CTNNA1: variants seen among roughly 807,000 people sequenced by gnomAD.
CTNNA1 encodes the protein catenin alpha-1.
In CTNNA1, 37 loss-of-function variants were observed where a neutral mutation model predicts 98.4. The observed-to-expected ratio is 0.38, with a 90% CI of 0.29 to 0.49. The LOEUF (loss-of-function observed/expected upper bound fraction) is 0.49. Among genes scored for constraint, CTNNA1 ranks in the 20% least tolerant of loss-of-function variants. The pLI is 0.95. For synonymous variants in CTNNA1, 404 were observed against 413.2 expected, an observed-to-expected ratio of 0.98 and a Z score of 0.27; for missense variants, 761 against 1,147.2, an observed-to-expected ratio of 0.66 and a Z score of 4.86.
intron 7 of CTNNA1, among the ~76,000 whole-genome samples, chr5:138,854,684 T>A (rs1209539465): frequency 6.6e-6 from 1 of 152,256 alleles, no homozygotes; most frequent in Non-Finnish European, 1.5e-5. Context: ...TAAGCCTCTC[T>A]GTAGACATTT....
intron 16 of CTNNA1, among the ~76,000 whole-genome samples, chr5:138,931,353 C>T (rs1468809362): frequency 2.0e-5 from 3 of 152,324 alleles, no homozygotes; most frequent in Non-Finnish European, 4.4e-5. Flanking sequence ...AATACGGTTC[C>T]TACCGCCTGG....
intron 10 of CTNNA1, among the ~76,000 whole-genome samples, chr5:138,910,107 C>T (rs1346924681): frequency 1.3e-5 from 2 of 152,190 alleles, no homozygotes; most frequent in Non-Finnish European, 2.9e-5. Context: ...GCCTCCCACC[C>T]CTCCTTGACT....
chr5:138,813,355 T>C (rs1036391187), intron 5 of CTNNA1, among the ~76,000 whole-genome samples: 5 of 152,238 alleles, frequency 3.3e-5, no homozygotes. Context: ...CTAGTAGACT[T>C]GTCCTAAATC....
At chr5:138,828,352 T>G (rs778500874) in intron 7 of CTNNA1, 1 of 150,112 alleles carries the variant, frequency 6.7e-6, no homozygotes, top group Non-Finnish European at 1.5e-5. Flanking sequence ...AAACCCAGGC[T>G]ATGAAATTTG....
chr5:138,864,329 G>A (rs2149892936), intron 7 of CTNNA1, among the ~76,000 whole-genome samples: 1 of 152,268 alleles, frequency 6.6e-6, no homozygotes, highest in Non-Finnish European at 1.5e-5. Flanking sequence ...GCTTATAGAA[G>A]CAATTGGGAA....
intron 9 of CTNNA1, among the ~76,000 whole-genome samples, chr5:138,903,989 C>T (rs557615904): frequency 1.4e-4 from 21 of 152,298 alleles, no homozygotes; most frequent in African/African-American, 4.6e-4. Context: ...CAGTTCTTTC[C>T]TGATGCCCTT....
At chr5:138,810,826 C>G (rs1221944014) in intron 4 of CTNNA1, among the ~76,000 whole-genome samples, 2 of 152,180 alleles carry the variant, frequency 1.3e-5, no homozygotes, top group Non-Finnish European at 1.5e-5. Flanking sequence ...GACGGGGTTT[C>G]GGCCGGGCAG....
At chr5:138,794,320 T>C (rs914034268) in intron 3 of CTNNA1, among the ~76,000 whole-genome samples, 2 of 152,104 alleles carry the variant, frequency 1.3e-5, no homozygotes, top group Non-Finnish European at 1.5e-5. Context: ...CCTGGCCTCT[T>C]TTCTTTCAAA....
At chr5:138,913,209 A>C (rs769624625) in intron 10 of CTNNA1, among the ~76,000 whole-genome samples, 1 of 151,234 alleles carries the variant, frequency 6.6e-6, no homozygotes, top group Non-Finnish European at 1.5e-5. Flanking sequence ...CCCTCCCTTC[A>C]TTTTGTATTC....
At chr5:138,769,268 C>G (rs1256890154) in intron 1 of CTNNA1, among the ~76,000 whole-genome samples, 1 of 152,040 alleles carries the variant, frequency 6.6e-6, no homozygotes, top group Non-Finnish European at 1.5e-5. Flanking sequence ...CCTGGCTTTC[C>G]AACAAAAATA....
At chr5:138,905,111 A>AATACATACATAC (rs58678514) in intron 10 of CTNNA1, among the ~76,000 whole-genome samples, 32,304 of 138,428 alleles carry the variant, frequency 0.23, 4,189 homozygotes, top group Middle Eastern at 0.27. Context: ...AAAAAAAAAA[A>AATACATACATAC]ATACATACAT....
intron 7 of CTNNA1, among the ~76,000 whole-genome samples, chr5:138,847,266 A>G (rs1762802817): frequency 6.7e-6 from 1 of 148,408 alleles, no homozygotes; most frequent in Non-Finnish European, 1.5e-5. Flanking sequence ...AGGGAAGAGG[A>G]GACTGACAAC....
chr5:138,868,367 A>AGTC (rs1764998830), intron 7 of CTNNA1, among the ~76,000 whole-genome samples: 1 of 152,196 alleles, frequency 6.6e-6, no homozygotes, highest in Non-Finnish European at 1.5e-5. Flanking sequence ...GTACTCACTG[A>AGTC]GTCGTCATCC....
intron 4 of CTNNA1, among the ~76,000 whole-genome samples, chr5:138,810,619 G>C (rs892789848): frequency 6.6e-6 from 1 of 152,318 alleles, no homozygotes; most frequent in East Asian, 1.9e-4. Context: ...TAAGGTCACA[G>C]ATCAACAGGA....
intron 9 of CTNNA1, among the ~76,000 whole-genome samples, chr5:138,897,790 A>T (rs887210477): frequency 6.6e-6 from 1 of 152,172 alleles, no homozygotes; most frequent in African/African-American, 2.4e-5. Context: ...ACCAAAAATA[A>T]GCTTTTTAGG....
chr5:138,801,611 A>T (rs184742212), intron 3 of CTNNA1, among the ~76,000 whole-genome samples: 1 of 152,238 alleles, frequency 6.6e-6, no homozygotes, highest in Non-Finnish European at 1.5e-5. Flanking sequence ...GATGTGCATC[A>T]TGACCAGTCA....
At position 138,930,455 on chromosome 5, in the gene CTNNA1, T is replaced by C; in HGVS notation, c.2011-18T>C. 3 of 1,591,654 alleles carry C rather than the reference T, an allele frequency of 1.9e-6. No homozygotes were observed. The highest frequency in any genetic ancestry group is 1.8e-5 in the Admixed American group (1 of 56,444). On this transcript the variant is annotated intron_variant, in intron 14 of 17. Transcript: ENST00000302763. ...CATATTCTTTTTATGTAAGAGCTCT[T>C]TGTGCTTCTGATCACAGGCGATCAT...
At chr5:138,902,541 TC>T (rs1281957134) in intron 9 of CTNNA1, among the ~76,000 whole-genome samples, 1 of 152,202 alleles carries the variant, frequency 6.6e-6, no homozygotes, top group African/African-American at 2.4e-5. Flanking sequence ...TGCCTCAGCC[TC>T]CCGAGTAGCT....
rs898553044 is a variant in CTNNA1, at chr5:138,934,998, A to T, written c.*909A>T. 1 of 152,234 alleles carries T rather than the reference A, an allele frequency of 6.6e-6. No homozygotes were observed. Among genetic ancestry groups the T allele is most frequent in the East Asian group, 1.9e-4 (1 of 5,206 alleles). 9.4% of individuals were successfully genotyped at this position (152,234 alleles called of 1,614,324 possible). On this transcript the variant is annotated 3_prime_UTR_variant, in exon 18 of 18. Transcript: ENST00000302763. ...AATTTGAATGTTTTTTACACTAACTAACTTTTCCCAATAAAGTCCACTATG... is the reference window on the plus strand; with the variant it reads ...AATTTGAATGTTTTTTACACTAACTTACTTTTCCCAATAAAGTCCACTATG...
Sources: allele counts gnomAD v4.1 joint callset (sites outside exome capture counted in the v4.1 genomes callset), GRCh38; gene constraint gnomAD v4.1.1; transcripts MANE v1.5; gene names NCBI Gene and HGNC (gene_info 2026-07-23, HGNC 2026-07-21).